DCUN1D4: variants seen among roughly 807,000 people sequenced by gnomAD.
DCUN1D4 encodes the protein defective in cullin neddylation 1 domain containing 4, also known as DCN1-like protein 4.
A neutral mutation model predicts 47.9 loss-of-function variants in DCUN1D4; 22 were observed. The ratio of observed to expected loss-of-function variants is 0.46; its 90% CI spans 0.33 to 0.66. DCUN1D4 has a LOEUF of 0.66. DCUN1D4 is among the 30% of genes least tolerant of loss of function. The probability of loss-of-function intolerance (pLI) is 0.02; values close to 1 mark genes in which losing one functional copy is unlikely to be tolerated. For synonymous variants in DCUN1D4, 121 were observed against 112.2 expected (o/e 1.08, Z -0.50); for missense variants, 301 against 340.8 (o/e 0.88, Z 0.92).
intron 7 of DCUN1D4, among the ~76,000 whole-genome samples, chr4:51,893,762 T>C (rs1730813960): frequency 6.6e-6 from 1 of 152,190 alleles, no homozygotes; most frequent in Non-Finnish European, 1.5e-5. Flanking sequence ...CTTTTTAAAG[T>C]GTCCTTGTGA....
At chr4:51,909,733 AC>A (rs1733426454) in intron 8 of DCUN1D4, among the ~76,000 whole-genome samples, 1 of 152,112 alleles carries the variant, frequency 6.6e-6, no homozygotes, top group Admixed American at 6.5e-5. Context: ...AAGTTATGTG[AC>A]CTCTGAAAGA....
intron 1 of DCUN1D4, among the ~76,000 whole-genome samples, chr4:51,855,854 G>C (rs1724056848): frequency 6.6e-6 from 1 of 152,214 alleles, no homozygotes; most frequent in African/African-American, 2.4e-5. Context: ...CCATGGAAAA[G>C]AGGGCATGTG....
intron 5 of DCUN1D4, among the ~76,000 whole-genome samples, chr4:51,878,749 C>T (rs1728082588): frequency 6.6e-6 from 1 of 152,230 alleles, no homozygotes; most frequent in Admixed American, 6.5e-5. Flanking sequence ...CATGCTCTTA[C>T]ATCTTTTAAA....
intron 6 of DCUN1D4, among the ~76,000 whole-genome samples, chr4:51,887,429 A>T (rs1729687972): frequency 6.6e-6 from 1 of 152,134 alleles, no homozygotes; most frequent in Non-Finnish European, 1.5e-5. Flanking sequence ...TAAAAGCCCT[A>T]GGTATTTATT....
chr4:51,873,255 G>A (rs190459076), intron 3 of DCUN1D4, among the ~76,000 whole-genome samples: 1 of 152,278 alleles, frequency 6.6e-6, no homozygotes, highest in East Asian at 1.9e-4. Flanking sequence ...GACCTCAGGA[G>A]GTCACTTAAA....
At chr4:51,865,390 G>T in intron 3 of DCUN1D4, 1 of 167,830 alleles carries the variant, frequency 6.0e-6, no homozygotes. Context: ...GCACTGTACA[G>T]GTCATAGCCT....
At chr4:51,889,707 G>A (rs1406518780) in intron 6 of DCUN1D4, among the ~76,000 whole-genome samples, 1 of 152,178 alleles carries the variant, frequency 6.6e-6, no homozygotes, top group African/African-American at 2.4e-5. Context: ...GAGTTGGTTA[G>A]TTGTCCTAGG....
intron 1 of DCUN1D4, among the ~76,000 whole-genome samples, chr4:51,858,830 C>T (rs1029608039): frequency 3.3e-5 from 5 of 152,194 alleles, no homozygotes; most frequent in African/African-American, 9.7e-5. Flanking sequence ...GCCATACTTA[C>T]GTATTGTTTA....
chr4:51,884,996 C>T (rs1729233911), intron 5 of DCUN1D4: 1 of 151,810 alleles, frequency 6.6e-6, no homozygotes, highest in African/African-American at 2.4e-5. Flanking sequence ...TTTTTTTCAT[C>T]CAGCAATATT....
intron 1 of DCUN1D4, among the ~76,000 whole-genome samples, chr4:51,852,397 A>G (rs2109830065): frequency 6.6e-6 from 1 of 152,324 alleles, no homozygotes; most frequent in African/African-American, 2.4e-5. Flanking sequence ...TTTACATAAC[A>G]TTTTTGAAAT....
intron 5 of DCUN1D4, among the ~76,000 whole-genome samples, chr4:51,883,745 C>T (rs1298016678): frequency 1.3e-5 from 2 of 152,076 alleles, no homozygotes; most frequent in Non-Finnish European, 2.9e-5. Context: ...TGTATATATT[C>T]CATGCATATA....
At chr4:51,896,409 A>G (rs1015925638) in intron 7 of DCUN1D4, among the ~76,000 whole-genome samples, 3 of 152,158 alleles carry the variant, frequency 2.0e-5, no homozygotes, top group Non-Finnish European at 2.9e-5. Context: ...GTTAAAACAA[A>G]CAACCGCTCT....
At chr4:51,913,235 G>T in intron 9 of DCUN1D4, 55 bp from the exon 10 acceptor site, 2 of 1,108,434 alleles carry the variant, frequency 1.8e-6, no homozygotes, top group Non-Finnish European at 2.7e-6. Flanking sequence ...AATTGAAACC[G>T]TCCCATTTGT....
intron 3 of DCUN1D4, chr4:51,865,282 A>G: frequency 4.3e-6 from 1 of 234,278 alleles, no homozygotes; most frequent in South Asian, 6.5e-5. Flanking sequence ...CAGCCAAGCC[A>G]GCGTGGAGCT....
chr4:51,864,616 G>A (rs370029315), intron 3 of DCUN1D4, among the ~76,000 whole-genome samples: 2 of 152,144 alleles, frequency 1.3e-5, no homozygotes, highest in East Asian at 3.9e-4. Context: ...CACTGATGGT[G>A]CCTCTTGCTC....
At chr4:51,834,114 C>CTTTTTTTTTTTTTTTTTTT in the DCUN1D4 span, among the ~76,000 whole-genome samples, 2 of 37,204 alleles carry the variant, frequency 5.4e-5, no homozygotes, top group African/African-American at 1.1e-4. Context: ...TTTTTTTTTT[C>CTTTTTTTTTTTTTTTTTTT]TTTTTTTTTT....
the DCUN1D4 span, among the ~76,000 whole-genome samples, chr4:51,835,683 G>C: frequency 6.6e-6 from 1 of 152,112 alleles, no homozygotes. Context: ...TCTGGGGCTT[G>C]AGGAGCTGCT....
chr4:51,849,381 G>A (rs558212622), intron 1 of DCUN1D4, among the ~76,000 whole-genome samples: 3 of 151,638 alleles, frequency 2.0e-5, no homozygotes, highest in African/African-American at 7.3e-5. Context: ...TCTGTGAACT[G>A]TCTAATAGCC....
At chr4:51,869,144 AAG>A (rs1491305054) in intron 3 of DCUN1D4, among the ~76,000 whole-genome samples, 10 of 146,916 alleles carry the variant, frequency 6.8e-5, no homozygotes, top group African/African-American at 2.6e-4. Flanking sequence ...AAAAAAAAAA[AAG>A]TCAATCAGAG....
Sources: allele counts gnomAD v4.1 joint callset (sites outside exome capture counted in the v4.1 genomes callset), GRCh38; gene constraint gnomAD v4.1.1; transcripts MANE v1.5; gene names NCBI Gene and HGNC (gene_info 2026-07-23, HGNC 2026-07-21).